The following BACE2 variants were observed in gnomAD, a reference collection of about 807,000 sequenced individuals.
BACE2 encodes 56 kDa aspartic-like protease.
BACE2 carries 17 observed loss-of-function variants against 46.2 expected under a neutral mutation model. That is an observed-to-expected ratio of 0.37 (90% CI 0.25 to 0.55). BACE2 has a LOEUF of 0.55. Ranked by LOEUF, BACE2 falls within the 20% of genes least tolerant of loss-of-function variation. The pLI, the probability that BACE2 is intolerant of heterozygous loss-of-function variation, is 0.82. For synonymous variants in BACE2, 277 were observed against 295.9 expected, an observed-to-expected ratio of 0.94 and a Z score of 0.66; for missense variants, 595 against 698.1, an observed-to-expected ratio of 0.85 and a Z score of 1.66.
At position 41,245,904 on chromosome 21, in the gene BACE2, G is replaced by T. The variant is rs113773444; in HGVS notation, c.883-58G>T. On this transcript the variant is annotated intron_variant, in intron 5 of 8. Coordinates refer to ENST00000330333, the MANE Select transcript of BACE2 (RefSeq NM_012105.5). Reference sequence around the variant, plus strand: ...AGATGGTGATGGCGGCTAGAGCCACGTGGGGCGGGGAGCGCCACTGTCACT... The same window carrying T: ...AGATGGTGATGGCGGCTAGAGCCACTTGGGGCGGGGAGCGCCACTGTCACT... 2,540 of 1,383,262 alleles carry T rather than the reference G, an allele frequency of 1.8e-3. 27 individuals are homozygous for T. The African/African-American group carries it at 0.03, about 16-fold the overall frequency. The allele number at this position is 1,383,262 out of a possible 1,614,324, so 85.7% of individuals were successfully genotyped here.
chr21:41,198,876 T>C (rs1442105692), intron 1 of BACE2, among the ~76,000 whole-genome samples: 1 of 151,518 alleles, frequency 6.6e-6, no homozygotes, highest in East Asian at 1.9e-4. Context: ...TTTATTTATT[T>C]ATTTATTTAT....
chr21:41,255,430 G>C (rs933477853), intron 7 of BACE2, among the ~76,000 whole-genome samples: 3 of 152,330 alleles, frequency 2.0e-5, no homozygotes, highest in Admixed American at 6.5e-5. Context: ...CCAATACAGT[G>C]CCTGAGAAGG....
In BACE2 at chr21:41,218,869, C is replaced by CTTTT. The variant is rs60516597; in HGVS notation, c.313-7388_313-7385dup. ...CCCCTGTCCCTTCCAAACATCTTGACTTTTTTTTTTTTGTGACAGAGTCTC... is the reference window on the plus strand; with the variant it reads ...CCCCTGTCCCTTCCAAACATCTTGACTTTTTTTTTTTTTTTTGTGACAGAGTCTC... On this transcript the variant is annotated intron_variant, in intron 1 of 8. Transcript: ENST00000330333. Among the ~76,000 whole-genome samples the CTTTT allele has an allele frequency of 9.0e-4, 130 of 145,064 alleles. 1 individual carries two copies. Among genetic ancestry groups the CTTTT allele is most frequent in the African/African-American group, 1.8e-3 (70 of 39,274 alleles).
At chr21:41,224,464 C>CAG (rs1330021158) in intron 1 of BACE2, among the ~76,000 whole-genome samples, 1 of 152,210 alleles carries the variant, frequency 6.6e-6, no homozygotes, top group Non-Finnish European at 1.5e-5. Flanking sequence ...GCTGGGATTA[C>CAG]AGGCGTGAGC....
intron 1 of BACE2, among the ~76,000 whole-genome samples, chr21:41,196,743 A>G (rs1438752406): frequency 2.6e-5 from 4 of 152,326 alleles, no homozygotes; most frequent in Admixed American, 2.6e-4. Context: ...TGGCTTTGGT[A>G]AGTTGTGATA....
At chr21:41,184,803 A>G (rs1291214098) in intron 1 of BACE2, 2 of 167,048 alleles carry the variant, frequency 1.2e-5, no homozygotes, top group African/African-American at 4.8e-5. Context: ...TATGCATGGC[A>G]TTCTAATGCC....
rs111380031 is a variant in BACE2 at position 41,206,519 on chromosome 21, A to G, written c.313-19747A>G. Among the ~76,000 whole-genome samples, 5 of 152,374 alleles carry G rather than the reference A, an allele frequency of 3.3e-5. No homozygotes were observed. In the South Asian group the frequency reaches 6.2e-4, roughly 19 times the overall value. On this transcript the variant is annotated intron_variant, in intron 1 of 8. Coordinates refer to ENST00000330333, the MANE Select transcript of BACE2 (RefSeq NM_012105.5). ...GGATGAACCTTGAAGACCTTATGCTATGTGATAGAAGACTGTTACAAAAGG... is the reference window on the plus strand; with the variant it reads ...GGATGAACCTTGAAGACCTTATGCTGTGTGATAGAAGACTGTTACAAAAGG...
At chr21:41,191,742 C>T (rs1349283192) in intron 1 of BACE2, among the ~76,000 whole-genome samples, 2 of 152,180 alleles carry the variant, frequency 1.3e-5, no homozygotes, top group African/African-American at 2.4e-5. Context: ...TTCATGGACC[C>T]ACTGGGTGAT....
intron 2 of BACE2, among the ~76,000 whole-genome samples, chr21:41,232,057 C>T (rs960696905): frequency 2.1e-4 from 30 of 145,424 alleles, no homozygotes; most frequent in Non-Finnish European, 3.7e-4. Context: ...TAGGACTGTG[C>T]TTTCTACAAG....
At chr21:41,218,734 A>G (rs185742174) in intron 1 of BACE2, among the ~76,000 whole-genome samples, 201 of 152,318 alleles carry the variant, frequency 1.3e-3, no homozygotes, top group Middle Eastern at 3.4e-3. Flanking sequence ...CAGGTAGGTA[A>G]AAAAGAAAGA....
chr21:41,236,169 TTCAAACTC>T (rs1292899347), intron 2 of BACE2, among the ~76,000 whole-genome samples: 1 of 152,162 alleles, frequency 6.6e-6, no homozygotes, highest in Non-Finnish European at 1.5e-5. Flanking sequence ...TCCAGCAGTT[TTCAAACTC>T]AAATGGGCAT....
intron 8 of BACE2, among the ~76,000 whole-genome samples, chr21:41,260,490 C>T (rs891962654): frequency 3.3e-5 from 5 of 152,158 alleles, no homozygotes; most frequent in South Asian, 2.1e-4. Flanking sequence ...GGCACTTAGC[C>T]GGGTGTCTCT....
chr21:41,254,584 C>A (rs1987728037), intron 7 of BACE2, among the ~76,000 whole-genome samples: 1 of 152,250 alleles, frequency 6.6e-6, no homozygotes, highest in Non-Finnish European at 1.5e-5. Context: ...CTGCTGTACT[C>A]TCTAATTGCC....
chr21:41,218,554 G>A (rs1986544535), intron 1 of BACE2, among the ~76,000 whole-genome samples: 1 of 152,126 alleles, frequency 6.6e-6, no homozygotes, highest in South Asian at 2.1e-4. Flanking sequence ...GAATGACTAA[G>A]CAACTGTGGG....
At chr21:41,264,413 C>A (rs924542343) in intron 8 of BACE2, among the ~76,000 whole-genome samples, 4 of 151,898 alleles carry the variant, frequency 2.6e-5, no homozygotes, top group African/African-American at 9.7e-5. Context: ...TTAGTTCATT[C>A]CCATGCTGCT....
intron 2 of BACE2, among the ~76,000 whole-genome samples, chr21:41,236,935 T>C (rs1452854057): frequency 6.6e-6 from 1 of 152,236 alleles, no homozygotes. Flanking sequence ...TCCAGCCACA[T>C]GTTTACACCA....
At chr21:41,209,307 C>T (rs1986226850) in intron 1 of BACE2, among the ~76,000 whole-genome samples, 1 of 152,212 alleles carries the variant, frequency 6.6e-6, no homozygotes, top group African/African-American at 2.4e-5. Context: ...CCGAGCCGGG[C>T]TGGGAAGAGA....
intron 1 of BACE2, among the ~76,000 whole-genome samples, chr21:41,197,863 C>A (rs879640953): frequency 1.3e-5 from 2 of 152,064 alleles, no homozygotes; most frequent in African/African-American, 4.8e-5. Flanking sequence ...CACTGTGTGC[C>A]CTGAACCAGT....
chr21:41,240,863 C>T (rs1009610711), intron 3 of BACE2, among the ~76,000 whole-genome samples: 1 of 152,232 alleles, frequency 6.6e-6, no homozygotes, highest in East Asian at 1.9e-4. Context: ...GTTCCCCTCT[C>T]ACTCCCTCTG....
Sources: allele counts gnomAD v4.1 joint callset (sites outside exome capture counted in the v4.1 genomes callset), GRCh38; gene constraint gnomAD v4.1.1; transcripts MANE v1.5; gene names NCBI Gene and HGNC (gene_info 2026-07-23, HGNC 2026-07-21).